Variants in PHACTR3 observed in about 807,000 individuals in gnomAD.
PHACTR3 encodes protein phosphatase 1, regulatory subunit 123.
Under a neutral mutation model 66.8 loss-of-function variants are expected in PHACTR3, and 16 were observed. That is an observed-to-expected ratio of 0.24 (90% CI 0.16 to 0.36). The LOEUF is 0.36. Among genes scored for constraint, PHACTR3 ranks in the 10% least tolerant of loss-of-function variants. The probability of loss-of-function intolerance (pLI) is 1.00; values close to 1 mark genes in which losing one functional copy is unlikely to be tolerated. For missense variants in PHACTR3, 647 were observed against 719.9 expected, an observed-to-expected ratio of 0.90 and a Z score of 1.16; for synonymous variants, 323 against 292.1, an observed-to-expected ratio of 1.11 and a Z score of -1.08.
chr20:59,657,346 T>C (rs2035656472), intron 1 of PHACTR3, among the ~76,000 whole-genome samples: 1 of 151,990 alleles, frequency 6.6e-6, no homozygotes, highest in African/African-American at 2.4e-5. Flanking sequence ...AGAGGAAATA[T>C]GCATTCAGGC....
chr20:59,764,675 A>G (rs2040119928), intron 4 of PHACTR3, among the ~76,000 whole-genome samples: 1 of 152,200 alleles, frequency 6.6e-6, no homozygotes, highest in South Asian at 2.1e-4. Flanking sequence ...TCCCAAAAGC[A>G]GGACTTTGGA....
At chr20:59,840,618 C>G (rs2059041495) in intron 10 of PHACTR3, among the ~76,000 whole-genome samples, 188 bp downstream of exon 10, 1 of 152,146 alleles carries the variant, frequency 6.6e-6, no homozygotes, top group South Asian at 2.1e-4. Context: ...CTGACGTTCC[C>G]TATGGACGAA....
At position 59,738,031 on chromosome 20, in the gene PHACTR3, T is replaced by G. The variant is rs1292326926; in HGVS notation, c.119-5076T>G. ...AGGCAGCTGATTAAAATAGTGCAGG[T>G]AGTGACGGTGGTCCTGGCAGTGATG... is the stretch of plus-strand genomic sequence containing the variant. On this transcript the variant is annotated intron_variant, in intron 1 of 12. Coordinates refer to ENST00000371015, the MANE Select transcript of PHACTR3 (RefSeq NM_080672.5). This position sits in a 1 kb window ranked among gnomAD's most constrained non-coding sequence, Gnocchi z 4.4. 6.6e-6 allele frequency among the ~76,000 whole-genome samples: 1 copy of G among 151,902 alleles called. No homozygotes were observed. The highest frequency in any genetic ancestry group is 1.5e-5 in the Non-Finnish European group (1 of 67,960).
chr20:59,785,600 C>T (rs79082761), intron 7 of PHACTR3, among the ~76,000 whole-genome samples: 4,172 of 152,258 alleles, frequency 0.027, 188 homozygotes, highest in African/African-American at 0.096. Flanking sequence ...AGATGATTCG[C>T]CAGCGACCTG....
intron 7 of PHACTR3, among the ~76,000 whole-genome samples, chr20:59,787,384 G>A (rs530604589): frequency 6.6e-6 from 1 of 152,314 alleles, no homozygotes; most frequent in African/African-American, 2.4e-5. Context: ...GGGTCTCACA[G>A]GCTCAGAAGC....
intron 1 of PHACTR3, among the ~76,000 whole-genome samples, chr20:59,693,455 G>A (rs186244827): frequency 5.8e-4 from 88 of 152,218 alleles, no homozygotes; most frequent in African/African-American, 2.0e-3. Flanking sequence ...ATCTATTCAT[G>A]TGCTCTCACT....
At chr20:59,673,611 G>A (rs1170105113) in intron 1 of PHACTR3, among the ~76,000 whole-genome samples, 1 of 152,156 alleles carries the variant, frequency 6.6e-6, no homozygotes, top group Non-Finnish European at 1.5e-5. Flanking sequence ...CAGGCAGCTG[G>A]GATGGTGACC....
In PHACTR3 at chr20:59,773,445, C is replaced by G; in HGVS notation, c.918C>G (p.Arg306=). The change falls in exon 6 of 13, where the codon CGC becomes CGG. Residue 306 remains arginine, a synonymous_variant. Coordinates refer to ENST00000371015, the MANE Select transcript of PHACTR3 (RefSeq NM_080672.5). ...ELHRALATKH[R]QDSFQGRESK... is the part of the protein sequence containing the mutation. ...ACAGGGCGCTGGCCACGAAGCACCG[C>G]CAGGACAGGTGAGGCCCTGCCCCAT... 1 of 1,609,594 alleles carries G rather than the reference C, an allele frequency of 6.2e-7. No homozygotes were observed. The highest frequency in any genetic ancestry group is 8.5e-7 in the Non-Finnish European group (1 of 1,178,282).
chr20:59,827,007 C>T (rs1400094280), intron 8 of PHACTR3, among the ~76,000 whole-genome samples: 1 of 152,000 alleles, frequency 6.6e-6, no homozygotes, highest in Admixed American at 6.5e-5. Context: ...CCTTCCCTCC[C>T]TCCTTCCCTC....
intron 1 of PHACTR3, among the ~76,000 whole-genome samples, chr20:59,665,482 G>A (rs1568688083): frequency 6.6e-6 from 1 of 152,116 alleles, no homozygotes; most frequent in East Asian, 1.9e-4. Flanking sequence ...CCTTGCTCAA[G>A]CCAAGTAAAA....
At chr20:59,813,168 G>A (rs1256457130) in intron 8 of PHACTR3, among the ~76,000 whole-genome samples, 1 of 152,166 alleles carries the variant, frequency 6.6e-6, no homozygotes, top group Non-Finnish European at 1.5e-5. Context: ...TCGGTATGGT[G>A]TGGGTGCTGC....
chr20:59,696,824 C>G (rs1333687835), intron 1 of PHACTR3, among the ~76,000 whole-genome samples: 1 of 152,300 alleles, frequency 6.6e-6, no homozygotes, highest in Non-Finnish European at 1.5e-5. Context: ...ACCTTGAAGG[C>G]TGATGCATTT....
At chr20:59,696,011 A>G (rs929937535) in intron 1 of PHACTR3, among the ~76,000 whole-genome samples, 1 of 152,112 alleles carries the variant, frequency 6.6e-6, no homozygotes, top group African/African-American at 2.4e-5. Context: ...GGGATTACAA[A>G]TGTGAGCCAC....
chr20:59,720,048 C>G (rs2038235734), intron 1 of PHACTR3, among the ~76,000 whole-genome samples: 1 of 152,198 alleles, frequency 6.6e-6, no homozygotes, highest in Non-Finnish European at 1.5e-5. Context: ...CCAGCTCTCT[C>G]ATAGGAGGCA....
intron 1 of PHACTR3, among the ~76,000 whole-genome samples, chr20:59,641,720 T>C (rs1478041117): frequency 1.3e-5 from 2 of 152,182 alleles, no homozygotes; most frequent in East Asian, 3.9e-4. Flanking sequence ...CCCATGCATA[T>C]CTATAGATTG....
At chr20:59,701,351 GA>G (rs1299979389) in intron 1 of PHACTR3, among the ~76,000 whole-genome samples, 8 of 152,162 alleles carry the variant, frequency 5.3e-5, no homozygotes, top group Non-Finnish European at 1.0e-4. Flanking sequence ...GTAGGTAGCA[GA>G]ACCAGGGAAT....
Position 59,734,176 on chromosome 20 carries a change from T to G in PHACTR3, c.119-8931T>G, listed in dbSNP as rs1373961789. ...ACCATAAGCTCCAGCCTAAGGGTCC[T>G]CAAGTTCCAGTGCACAGACCCACAC... On this transcript the variant is annotated intron_variant, in intron 1 of 12. Transcript: ENST00000371015. Among the ~76,000 whole-genome samples, 4 of 152,188 alleles carry G rather than the reference T, an allele frequency of 2.6e-5. No individual in the cohort carries two copies. In the East Asian group the frequency reaches 7.7e-4, roughly 29 times the overall value.
intron 12 of PHACTR3, among the ~76,000 whole-genome samples, chr20:59,846,358 T>C (rs2059145932): frequency 6.6e-6 from 1 of 152,086 alleles, no homozygotes; most frequent in Non-Finnish European, 1.5e-5. Flanking sequence ...GTTGGATGAA[T>C]AGGAAAAAAT....
chr20:59,639,059 A>AGATGGATG (rs111262717), intron 1 of PHACTR3, among the ~76,000 whole-genome samples: 1 of 129,564 alleles, frequency 7.7e-6, no homozygotes. Context: ...GGAGATGGAT[A>AGATGGATG]GATGGATGGA....
Sources: gnomAD v4.1 joint callset for allele counts (sites outside exome capture counted in the v4.1 genomes callset) on GRCh38, gnomAD v4.1.1 for gene constraint, Gnocchi (gnomAD v3.1) non-coding constraint, MANE v1.5 for transcripts, NCBI Gene and HGNC (gene_info 2026-07-23, HGNC 2026-07-21) for gene names.